SEMA3C: variants seen among roughly 807,000 people sequenced by gnomAD.
SEMA3C encodes the protein semaphorin 3C, also known as semaphorin-3C.
Under a neutral mutation model 89.4 loss-of-function variants are expected in SEMA3C, and 47 were observed. That is an observed-to-expected ratio of 0.53 (90% CI 0.42 to 0.67). SEMA3C has a LOEUF of 0.67. Ranked by LOEUF, SEMA3C falls within the 30% of genes least tolerant of loss-of-function variation. The pLI, the probability that SEMA3C is intolerant of heterozygous loss-of-function variation, is 0.00. For synonymous variants in SEMA3C, 310 were observed against 320.2 expected, an observed-to-expected ratio of 0.97 and a Z score of 0.34; for missense variants, 839 against 929.1, an observed-to-expected ratio of 0.90 and a Z score of 1.26.
intron 2 of SEMA3C, among the ~76,000 whole-genome samples, chr7:80,866,515 AGT>A (rs1398886308): frequency 1.3e-5 from 2 of 152,184 alleles, no homozygotes; most frequent in Non-Finnish European, 2.9e-5. Context: ...AAAAAAAAGA[AGT>A]AATGTGTCAC....
At chr7:80,819,889 T>A (rs1156229270) in intron 4 of SEMA3C, among the ~76,000 whole-genome samples, 1 of 152,112 alleles carries the variant, frequency 6.6e-6, no homozygotes, top group Non-Finnish European at 1.5e-5. Flanking sequence ...TTGAATGACT[T>A]CATGAAGTCA....
intron 4 of SEMA3C, among the ~76,000 whole-genome samples, chr7:80,818,743 T>A (rs996538937): frequency 6.6e-6 from 1 of 152,202 alleles, no homozygotes; most frequent in Non-Finnish European, 1.5e-5. Context: ...CTGTCCTGGG[T>A]TGCATGAGGC....
intron 2 of SEMA3C, among the ~76,000 whole-genome samples, chr7:80,862,222 G>A (rs1790789309): frequency 6.6e-6 from 1 of 151,644 alleles, no homozygotes; most frequent in African/African-American, 2.4e-5. Flanking sequence ...TCCTAGAACT[G>A]ATAAAAGAAT....
At chr7:80,819,851 GC>G (rs2115768938) in intron 4 of SEMA3C, among the ~76,000 whole-genome samples, 1 of 152,142 alleles carries the variant, frequency 6.6e-6, no homozygotes, top group Admixed American at 6.5e-5. Context: ...ACTATCCTTT[GC>G]TGACTATAAT....
Position 80,745,006 on chromosome 7 carries a change from T to G in SEMA3C, c.2144A>C (p.Gln715Pro). 6.2e-7 allele frequency: 1 copy of G among 1,614,108 alleles called. No homozygotes were observed. Residue 715 changes from glutamine to proline, a missense_variant, in exon 18 of 18, where the codon CAA becomes CCA. Coordinates refer to ENST00000265361, the MANE Select transcript of SEMA3C (RefSeq NM_006379.5). ...INQYCKDTRQ[Q>P]HQQGDESQKM... is the part of the protein sequence containing the mutation. The stretch of plus-strand genomic sequence containing the variant: ...CTGTGATTCATCTCCCTGCTGATGT[T>G]GCTGCCGAGTGTCTTTGCAATATTG...
At chr7:80,875,495 G>A (rs1377897141) in intron 2 of SEMA3C, among the ~76,000 whole-genome samples, 1 of 152,022 alleles carries the variant, frequency 6.6e-6, no homozygotes, top group East Asian at 1.9e-4. Flanking sequence ...GCTTTCCAAG[G>A]TTTCAGTCGC....
chr7:80,894,972 G>T (rs1010294018), intron 2 of SEMA3C, among the ~76,000 whole-genome samples: 1 of 152,130 alleles, frequency 6.6e-6, no homozygotes, highest in Admixed American at 6.5e-5. Context: ...CAGATTAGAT[G>T]ATTCTAATGT....
At chr7:80,833,781 T>C (rs1366214806) in intron 2 of SEMA3C, among the ~76,000 whole-genome samples, 1 of 152,142 alleles carries the variant, frequency 6.6e-6, no homozygotes, top group Non-Finnish European at 1.5e-5. Flanking sequence ...ATTTTTTTTT[T>C]TTAGAACATA....
chr7:80,786,264 T>G (rs1788799520), intron 12 of SEMA3C, among the ~76,000 whole-genome samples: 1 of 152,282 alleles, frequency 6.6e-6, no homozygotes, highest in Admixed American at 6.5e-5. Flanking sequence ...GCCAAAGAAT[T>G]TGTGCAAAAG....
In SEMA3C at chr7:80,863,890, TCA is replaced by T. The variant is rs1490794783; in HGVS notation, c.104-35147_104-35146del. Among the ~76,000 whole-genome samples the T allele has an allele frequency of 3.4e-5, 5 of 145,954 alleles. 1 individual carries two copies. Among genetic ancestry groups the T allele is most frequent in the Non-Finnish European group, 7.5e-5 (5 of 67,004 alleles). ...CACATATATATGTATCACATATATA[TCA>T]CACATATATTACATATATATCACAT... On this transcript the variant is annotated intron_variant, in intron 2 of 17. Coordinates refer to ENST00000265361, the MANE Select transcript of SEMA3C (RefSeq NM_006379.5).
At chr7:80,758,200 G>T in intron 15 of SEMA3C, 131 bp downstream of exon 15, 2 of 914,984 alleles carry the variant, frequency 2.2e-6, no homozygotes, top group Non-Finnish European at 1.7e-6. Context: ...ACTATGTGTG[G>T]TGTTAAACAT....
At chr7:80,919,105 C>A, upstream of SEMA3C, 4 of 984,988 alleles carry the variant, frequency 4.1e-6, no homozygotes, top group Non-Finnish European at 3.6e-6. Context: ...CCGATTACAG[C>A]GCCGCGGCGC....
intron 2 of SEMA3C, among the ~76,000 whole-genome samples, chr7:80,862,266 A>T (rs1790790032): frequency 6.6e-6 from 1 of 152,170 alleles, no homozygotes; most frequent in African/African-American, 2.4e-5. Flanking sequence ...ACTAAGATAC[A>T]CAAGTCAGTA....
In SEMA3C at chr7:80,744,828, C is replaced by T; in HGVS notation, c.*66G>A. 6.4e-7 allele frequency: 1 copy of T among 1,568,586 alleles called. No homozygotes were observed. Among genetic ancestry groups the T allele is most frequent in the Non-Finnish European group, 8.7e-7 (1 of 1,145,236 alleles). On this transcript the variant is annotated 3_prime_UTR_variant, in exon 18 of 18. Transcript: ENST00000265361. ...CCTTGGTAAAGCACAAGTTTCTTTG[C>T]TCAAAATTTGATCATTGAAGACAGA...
intron 12 of SEMA3C, among the ~76,000 whole-genome samples, chr7:80,779,337 T>G (rs553286859): frequency 6.6e-6 from 1 of 152,300 alleles, no homozygotes; most frequent in Admixed American, 6.5e-5. Flanking sequence ...GTGTGCCATT[T>G]ATTTTAAAAA....
At chr7:80,799,254 T>C (rs1562880316) in intron 10 of SEMA3C, among the ~76,000 whole-genome samples, 2 of 152,132 alleles carry the variant, frequency 1.3e-5, no homozygotes, top group African/African-American at 2.4e-5. Flanking sequence ...GAATAGCTCA[T>C]TGCAGTTTAC....
rs577131958 is a variant in SEMA3C at position 80,903,772 on chromosome 7, C to T, written c.103+12907G>A. Among the ~76,000 whole-genome samples, 11 of 152,262 alleles carry T rather than the reference C, an allele frequency of 7.2e-5. No homozygotes were observed. In the East Asian group the frequency reaches 1.2e-3, roughly 16 times the overall value. ...TGTTAAGTATCTACTACGTATCACA[C>T]ATCATTTAAAAGGCTAAAAAAAATG... On this transcript the variant is annotated intron_variant, in intron 2 of 17. Transcript: ENST00000265361.
intron 4 of SEMA3C, among the ~76,000 whole-genome samples, chr7:80,823,626 A>AT (rs1416771516): frequency 2.0e-5 from 3 of 152,032 alleles, no homozygotes; most frequent in Non-Finnish European, 4.4e-5. Flanking sequence ...AAGAAAATAT[A>AT]TTTTTTAGGA....
chr7:80,744,948 G>C lies in SEMA3C; in HGVS notation c.2202C>G (p.Ala734=). Residue 734 remains alanine (A), a synonymous_variant, in exon 18 of 18, where the codon GCC becomes GCG. Coordinates refer to ENST00000265361, the MANE Select transcript of SEMA3C (RefSeq NM_006379.5). ...KMRGDYGKLK[A]LINSRKSRNR... is the part of the protein sequence containing the mutation. The stretch of plus-strand genomic sequence containing the variant: ...TTCTACTTTTCCGACTATTGATGAG[G>C]GCCTTTAACTTGCCATAGTCCCCTC... The C allele has an allele frequency of 6.2e-7, 1 of 1,613,964 alleles. No homozygotes were observed. The highest frequency in any genetic ancestry group is 8.5e-7 in the Non-Finnish European group (1 of 1,179,952).
Sources: allele counts gnomAD v4.1 joint callset (sites outside exome capture counted in the v4.1 genomes callset), GRCh38; gene constraint gnomAD v4.1.1; transcripts MANE v1.5; gene names NCBI Gene and HGNC (gene_info 2026-07-23, HGNC 2026-07-21).